Variants in COL4A4 observed in about 807,000 individuals in gnomAD.
COL4A4 encodes the protein collagen type IV alpha 4 chain, also known as collagen alpha-4(IV) chain.
COL4A4 carries 105 observed loss-of-function variants against 192.9 expected under a neutral mutation model. That is an observed-to-expected ratio of 0.54 (90% CI 0.46 to 0.64). The LOEUF (loss-of-function observed/expected upper bound fraction) is 0.64, where lower values mean the gene tolerates loss of function less well. COL4A4 is among the 30% of genes least tolerant of loss of function. COL4A4 has a pLI of 0.00. For missense variants in COL4A4, 1,967 were observed against 2,169.3 expected (o/e 0.91, Z 1.85); for synonymous variants, 762 against 769.9 (o/e 0.99, Z 0.17).
intron 24 of COL4A4, among the ~76,000 whole-genome samples, chr2:227,079,967 A>T (rs1438419309): frequency 6.6e-6 from 1 of 152,160 alleles, no homozygotes; most frequent in Admixed American, 6.5e-5. Flanking sequence ...ATCCTTTATC[A>T]GTGAGATTTT....
the COL4A4 span, among the ~76,000 whole-genome samples, chr2:226,992,111 G>C: frequency 1.3e-5 from 2 of 152,184 alleles, no homozygotes; most frequent in Admixed American, 1.3e-4. Flanking sequence ...AAGGAGAGAG[G>C]TAGTAGATCA....
chr2:227,088,643 A>T lies in COL4A4; in HGVS notation c.1623+10T>A. ...TTTAACTGGAAAGATGACTGGTAAG[A>T]GGTACTCACTGGTAGCCCTGGAGGT... On this transcript the variant is annotated intron_variant, in intron 22 of 47. Coordinates refer to ENST00000396625, the MANE Select transcript of COL4A4 (RefSeq NM_000092.5). 6.2e-7 allele frequency: 1 copy of T among 1,614,094 alleles called. No individual in the cohort carries two copies. Among genetic ancestry groups the T allele is most frequent in the African/African-American group, 1.3e-5 (1 of 75,042 alleles).
At chr2:227,002,271 C>T (rs1247574517), downstream of COL4A4, among the ~76,000 whole-genome samples, 1 of 151,776 alleles carries the variant, frequency 6.6e-6, no homozygotes, top group Non-Finnish European at 1.5e-5. Flanking sequence ...TAATCAATAC[C>T]TAACTAACTC....
chr2:226,981,271 C>G, the COL4A4 span, among the ~76,000 whole-genome samples: 2 of 151,976 alleles, frequency 1.3e-5, no homozygotes, highest in Non-Finnish European at 2.9e-5. Context: ...ATGTAAATGC[C>G]GAGTTGATGG....
At chr2:227,100,680 G>A (rs2060459057) in intron 17 of COL4A4, among the ~76,000 whole-genome samples, 2 of 152,148 alleles carry the variant, frequency 1.3e-5, no homozygotes, top group Non-Finnish European at 2.9e-5. Flanking sequence ...AGGGACAACT[G>A]ATATGGTTTG....
intron 25 of COL4A4, among the ~76,000 whole-genome samples, chr2:227,070,125 C>T (rs202162938): frequency 6.6e-6 from 1 of 151,604 alleles, no homozygotes; most frequent in Non-Finnish European, 1.5e-5. Context: ...AAAATGCTCA[C>T]CATCACTGGC....
At position 227,134,461 on chromosome 2, in the gene COL4A4, T is replaced by C. The variant is rs539483503; in HGVS notation, c.192+5700A>G. ...ACATCAAAATGGAACACAATTGACT[T>C]AAGTGAACTTTGGGGACATAAAAAT... On this transcript the variant is annotated intron_variant, in intron 4 of 47. Transcript: ENST00000396625. 7.2e-5 allele frequency among the ~76,000 whole-genome samples: 11 copies of C among 152,356 alleles called. No homozygotes were observed. In the South Asian group the frequency reaches 2.3e-3, roughly 32 times the overall value.
At position 227,114,695 on chromosome 2, in the gene COL4A4, C is replaced by A; in HGVS notation, c.491G>T (p.Gly164Val). 1.2e-6 allele frequency: 2 copies of A among 1,612,792 alleles called. No individual in the cohort carries two copies. The highest frequency in any genetic ancestry group is 1.7e-6 in the Non-Finnish European group (2 of 1,178,876). The change falls in exon 8 of 48, where the codon GGC (glycine) becomes GTC (valine). Residue 164 changes from glycine (G) to valine (V), a missense_variant and splice_region_variant. By Grantham distance (109) the Gly-to-Val change is moderately radical. Transcript: ENST00000396625. ...TTTTTCTCCCTTTTCCCCAGGATGGCCCTGAAAATAAAATATGTATGTACT... is the reference window on the plus strand; with the variant it reads ...TTTTTCTCCCTTTTCCCCAGGATGGACCTGAAAATAAAATATGTATGTACT... The part of the protein sequence containing the change: ...RGALGPGGPL[G>V]HPGEKGEKGN...
chr2:227,027,540 G>C (rs7607211), intron 42 of COL4A4, among the ~76,000 whole-genome samples: 3,193 of 150,102 alleles, frequency 0.021, 100 homozygotes, highest in African/African-American at 0.074. Context: ...TGTAAATGAC[G>C]AGTTAATGGG....
the COL4A4 span, among the ~76,000 whole-genome samples, chr2:226,992,783 G>A: frequency 2.0e-5 from 3 of 152,246 alleles, no homozygotes; most frequent in Non-Finnish European, 2.9e-5. Flanking sequence ...GAACACTTGC[G>A]GTGTGAGAAC....
At chr2:226,991,473 C>G in the COL4A4 span, among the ~76,000 whole-genome samples, 2 of 152,168 alleles carry the variant, frequency 1.3e-5, no homozygotes, top group African/African-American at 4.8e-5. Flanking sequence ...AGCCACCATG[C>G]CCAGCCCATT....
downstream of COL4A4, chr2:226,998,173 GTAGT>G (rs1359834126): frequency 6.6e-6 from 1 of 152,210 alleles, no homozygotes. Flanking sequence ...AGAGGAGGCA[GTAGT>G]TAAAATTGCT....
At chr2:227,122,842 G>A (rs889947065) in intron 4 of COL4A4, among the ~76,000 whole-genome samples, 1 of 152,006 alleles carries the variant, frequency 6.6e-6, no homozygotes, top group African/African-American at 2.4e-5. Flanking sequence ...CACTTGGGGT[G>A]TCACTTTGTT....
At chr2:227,106,125 G>GT (rs60278194) in intron 12 of COL4A4, among the ~76,000 whole-genome samples, 82,583 of 147,992 alleles carry the variant, frequency 0.56, 23,402 homozygotes, top group Middle Eastern at 0.67. Context: ...TGTCTGTTTT[G>GT]TTTTTTTTTC....
intron 4 of COL4A4, among the ~76,000 whole-genome samples, chr2:227,132,030 T>C (rs2062507998): frequency 6.6e-6 from 1 of 152,232 alleles, no homozygotes; most frequent in Non-Finnish European, 1.5e-5. Context: ...ACCATGTATA[T>C]GGTCATTTGT....
At chr2:226,978,934 G>A in the COL4A4 span, among the ~76,000 whole-genome samples, 2 of 152,164 alleles carry the variant, frequency 1.3e-5, no homozygotes, top group African/African-American at 4.8e-5. Context: ...TGGGGAAATG[G>A]TTTAGGGTTG....
At chr2:227,075,272 T>A (rs1170747849) in intron 25 of COL4A4, among the ~76,000 whole-genome samples, 2 of 152,118 alleles carry the variant, frequency 1.3e-5, no homozygotes, top group Non-Finnish European at 2.9e-5. Flanking sequence ...GCAAACGGAA[T>A]CCAGCAGCAC....
intron 7 of COL4A4, among the ~76,000 whole-genome samples, chr2:227,117,771 G>T (rs1043968574): frequency 6.6e-6 from 1 of 151,142 alleles, no homozygotes; most frequent in Admixed American, 6.6e-5. Flanking sequence ...CTCCAGTTAT[G>T]TTTAAATGAA....
At chr2:227,122,958 G>A (rs1250906798) in intron 4 of COL4A4, among the ~76,000 whole-genome samples, 4 of 152,048 alleles carry the variant, frequency 2.6e-5, no homozygotes, top group Non-Finnish European at 4.4e-5. Context: ...TCCACCTCCC[G>A]AGTTCAAGTG....
Sources: gnomAD v4.1 joint callset for allele counts (sites outside exome capture counted in the v4.1 genomes callset) on GRCh38, gnomAD v4.1.1 for gene constraint, MANE v1.5 for transcripts, NCBI Gene and HGNC (gene_info 2026-07-23, HGNC 2026-07-21) for gene names.